DOCK3: variants seen among roughly 807,000 people sequenced by gnomAD.
The protein encoded by DOCK3 is dedicator of cytokinesis protein 3.
In DOCK3, 60 loss-of-function variants were observed where a neutral mutation model predicts 265.6. That is an observed-to-expected ratio of 0.23 (90% CI 0.18 to 0.28). The LOEUF is 0.28. DOCK3 is among the 10% of genes least tolerant of loss of function. The pLI, the probability that DOCK3 is intolerant of heterozygous loss-of-function variation, is 1.00. For synonymous variants in DOCK3, 881 were observed against 938.0 expected (o/e 0.94, Z 1.11); for missense variants, 1,981 against 2,594.3 (o/e 0.76, Z 5.14).
At chr3:51,285,201 G>A (rs892506145) in intron 27 of DOCK3, among the ~76,000 whole-genome samples, 4 of 152,106 alleles carry the variant, frequency 2.6e-5, no homozygotes, top group Admixed American at 2.6e-4. Flanking sequence ...GGATGAATTG[G>A]TGAGATCCTT....
chr3:50,920,456 T>G (rs770659575), intron 4 of DOCK3, among the ~76,000 whole-genome samples: 1 of 152,230 alleles, frequency 6.6e-6, no homozygotes, highest in Non-Finnish European at 1.5e-5. Flanking sequence ...GGGATTCACC[T>G]TCTTCCTGGT....
intron 5 of DOCK3, among the ~76,000 whole-genome samples, chr3:51,022,149 T>C (rs1232115480): frequency 6.6e-6 from 1 of 152,218 alleles, no homozygotes; most frequent in Non-Finnish European, 1.5e-5. Flanking sequence ...ATTTACTTTG[T>C]AGTTTTTTAT....
chr3:51,241,123 G>A (rs932618658), intron 21 of DOCK3, among the ~76,000 whole-genome samples: 3 of 152,104 alleles, frequency 2.0e-5, no homozygotes, highest in Admixed American at 6.6e-5. Context: ...AGGTCTGGTG[G>A]TAACAAATTC....
chr3:50,971,918 A>C (rs2077247636), intron 5 of DOCK3, among the ~76,000 whole-genome samples: 2 of 152,206 alleles, frequency 1.3e-5, no homozygotes, highest in Non-Finnish European at 2.9e-5. Context: ...TGAGGTCCCC[A>C]CAGGAGGTGG....
intron 9 of DOCK3, among the ~76,000 whole-genome samples, chr3:51,122,755 G>T (rs970297156): frequency 6.6e-6 from 1 of 152,240 alleles, no homozygotes; most frequent in East Asian, 1.9e-4. Context: ...GGAGGGATTG[G>T]CTTGCAGCCA....
At chr3:50,759,693 G>A (rs2108376526) in intron 1 of DOCK3, among the ~76,000 whole-genome samples, 1 of 144,522 alleles carries the variant, frequency 6.9e-6, no homozygotes. Flanking sequence ...AAAAAAAAAT[G>A]GAAAAAATTA....
intron 27 of DOCK3, among the ~76,000 whole-genome samples, chr3:51,299,682 C>T (rs982597553): frequency 6.6e-6 from 1 of 151,790 alleles, no homozygotes; most frequent in African/African-American, 2.4e-5. Context: ...GAATCCTTTC[C>T]CTGTTGCTTT....
intron 1 of DOCK3, among the ~76,000 whole-genome samples, chr3:50,758,985 C>T (rs922128750): frequency 7.9e-5 from 12 of 152,204 alleles, no homozygotes; most frequent in African/African-American, 2.7e-4. Context: ...ATTGTAGGCA[C>T]GTACCATATT....
At chr3:51,207,813 C>G (rs753196515) in intron 12 of DOCK3, among the ~76,000 whole-genome samples, 1 of 152,030 alleles carries the variant, frequency 6.6e-6, no homozygotes, top group Admixed American at 6.6e-5. Flanking sequence ...TGCATGGGTC[C>G]TATTTTCTGG....
chr3:51,380,705 G>A (rs556177461), intron 52 of DOCK3, among the ~76,000 whole-genome samples: 6 of 152,134 alleles, frequency 3.9e-5, no homozygotes, highest in Non-Finnish European at 7.3e-5. Flanking sequence ...TCTGGTCCAC[G>A]GCCCACCAGG....
intron 9 of DOCK3, among the ~76,000 whole-genome samples, chr3:51,129,898 C>G (rs1349412554): frequency 6.6e-6 from 1 of 152,228 alleles, no homozygotes. Flanking sequence ...TTCTCCTGTT[C>G]TGGACCCCAC....
At chr3:50,934,847 A>G (rs1445071959) in intron 5 of DOCK3, among the ~76,000 whole-genome samples, 1 of 152,236 alleles carries the variant, frequency 6.6e-6, no homozygotes, top group Non-Finnish European at 1.5e-5. Flanking sequence ...ATCTACACTA[A>G]AAGTAAGTGA....
At chr3:50,677,807 T>C (rs1471346496) in intron 1 of DOCK3, among the ~76,000 whole-genome samples, 1 of 152,204 alleles carries the variant, frequency 6.6e-6, no homozygotes, top group African/African-American at 2.4e-5. Flanking sequence ...TTTTATAATA[T>C]AGGAATTCTG....
chr3:51,185,272 T>C (rs1190445339), intron 12 of DOCK3, among the ~76,000 whole-genome samples: 1 of 152,220 alleles, frequency 6.6e-6, no homozygotes. Flanking sequence ...GTGTTAATAA[T>C]AGGAGAAATT....
intron 26 of DOCK3, among the ~76,000 whole-genome samples, chr3:51,278,739 G>T (rs1411909757): frequency 6.6e-6 from 1 of 152,062 alleles, no homozygotes. Flanking sequence ...AGCTCATTTA[G>T]CAATACTAAG....
chr3:51,356,617 A>G, intron 43 of DOCK3, 124 bp downstream of exon 43: 2 of 914,686 alleles, frequency 2.2e-6, no homozygotes, highest in Non-Finnish European at 3.4e-6. Context: ...AGGCTCCCAC[A>G]GGTCAACCCT....
At chr3:50,989,427 A>G (rs571333741) in intron 5 of DOCK3, among the ~76,000 whole-genome samples, 5 of 152,266 alleles carry the variant, frequency 3.3e-5, no homozygotes, top group African/African-American at 9.6e-5. Flanking sequence ...GAGCGGGAAC[A>G]TGGCTGCAAC....
At chr3:51,176,397 C>A (rs1482551881) in intron 12 of DOCK3, among the ~76,000 whole-genome samples, 1 of 151,950 alleles carries the variant, frequency 6.6e-6, no homozygotes, top group African/African-American at 2.4e-5. Context: ...GCAGGCAGAC[C>A]ACGAGGTCAG....
intron 22 of DOCK3, among the ~76,000 whole-genome samples, chr3:51,249,149 G>A (rs2079018918): frequency 9.1e-6 from 1 of 109,450 alleles, no homozygotes; most frequent in Non-Finnish European, 2.0e-5. Flanking sequence ...CGGGAGGGAG[G>A]TGGGGGGGTC....
Sources: gnomAD v4.1 joint callset for allele counts (sites outside exome capture counted in the v4.1 genomes callset) on GRCh38, gnomAD v4.1.1 for gene constraint, MANE v1.5 for transcripts, NCBI Gene and HGNC (gene_info 2026-07-23, HGNC 2026-07-21) for gene names.